OTUD7B: variants seen among roughly 807,000 people sequenced by gnomAD.
The protein encoded by OTUD7B is OTU deubiquitinase 7B.
Under a neutral mutation model 82.2 loss-of-function variants are expected in OTUD7B, and 34 were observed. The observed-to-expected ratio is 0.41, with a 90% confidence interval of 0.31 to 0.55. The LOEUF is 0.55. Among genes scored for constraint, OTUD7B ranks in the 20% least tolerant of loss-of-function variants. OTUD7B has a pLI of 0.20. For synonymous variants in OTUD7B, 398 were observed against 402.7 expected (o/e 0.99, Z 0.14); for missense variants, 944 against 1,062.1 (o/e 0.89, Z 1.55).
At chr1:149,963,872 T>C (rs1444807912) in intron 6 of OTUD7B, 1 of 185,082 alleles carries the variant, frequency 5.4e-6, no homozygotes, top group Non-Finnish European at 1.1e-5. Context: ...TCTTTAAAAA[T>C]TGATCTAGCC....
Position 149,952,198 on chromosome 1 carries a change from C to A in OTUD7B, c.846-1977G>T, listed in dbSNP as rs183812272. On this transcript the variant is annotated intron_variant, in intron 7 of 11. Transcript: ENST00000581312. ...ATATCTCCTAATGCTATCCCTCCCCCCTCCCCCAACTCCACAACAGGCCTT... is the reference window on the plus strand; with the variant it reads ...ATATCTCCTAATGCTATCCCTCCCCACTCCCCCAACTCCACAACAGGCCTT... Among the ~76,000 whole-genome samples, 16 of 134,866 alleles carry A rather than the reference C, an allele frequency of 1.2e-4. No individual in the cohort carries two copies. In the East Asian group the frequency reaches 1.6e-3, roughly 13 times the overall value. 88.5% of individuals were successfully genotyped at this position (134,866 alleles called of 152,430 possible). A position where few individuals can be genotyped will look rare whatever the true frequency, so the allele number is the denominator to read the frequency against.
At chr1:150,016,583 G>T in the OTUD7B span, among the ~76,000 whole-genome samples, 15 of 151,488 alleles carry the variant, frequency 9.9e-5, no homozygotes, top group African/African-American at 3.6e-4. Flanking sequence ...CTCCTGAGTA[G>T]CTGGGATTAG....
chr1:149,984,830 C>T (rs1553780503), intron 1 of OTUD7B, among the ~76,000 whole-genome samples: 1 of 152,136 alleles, frequency 6.6e-6, no homozygotes, highest in Non-Finnish European at 1.5e-5. Flanking sequence ...CTTGCCTTAT[C>T]CACACAAATA....
chr1:150,010,903 C>T (rs1553787247), upstream of OTUD7B, among the ~76,000 whole-genome samples: 1 of 152,188 alleles, frequency 6.6e-6, no homozygotes, highest in African/African-American at 2.4e-5. Flanking sequence ...CCCGTGTTTT[C>T]CCGACCCGAG....
chr1:150,013,989 C>CATATATACACACAT (rs1363188309), upstream of OTUD7B, among the ~76,000 whole-genome samples: 3 of 129,724 alleles, frequency 2.3e-5, no homozygotes, highest in Non-Finnish European at 3.3e-5. Context: ...TATACACACA[C>CATATATACACACAT]ATATATACAC....
the OTUD7B span, chr1:150,054,042 C>T: frequency 3.1e-5 from 11 of 356,566 alleles, no homozygotes; most frequent in Admixed American, 4.0e-4. Context: ...TATTCTCCAT[C>T]TGCTATGTAT....
intron 7 of OTUD7B, among the ~76,000 whole-genome samples, chr1:149,958,291 A>G (rs991538876): frequency 2.4e-4 from 30 of 123,596 alleles, no homozygotes; most frequent in Admixed American, 7.1e-4. Context: ...ATTTTATTTC[A>G]GTTTCTATCT....
At chr1:150,004,773 C>A (rs956673035) in intron 1 of OTUD7B, among the ~76,000 whole-genome samples, 1 of 152,092 alleles carries the variant, frequency 6.6e-6, no homozygotes. Context: ...TCCAGGCTTT[C>A]GCTTGATCCC....
At chr1:149,979,196 T>C (rs1650542317) in intron 1 of OTUD7B, among the ~76,000 whole-genome samples, 1 of 152,184 alleles carries the variant, frequency 6.6e-6, no homozygotes, top group Admixed American at 6.5e-5. Context: ...AATGATTCAA[T>C]GACTAAGCCA....
the OTUD7B span, among the ~76,000 whole-genome samples, chr1:150,047,506 T>C: frequency 1.3e-5 from 2 of 152,332 alleles, no homozygotes; most frequent in South Asian, 2.1e-4. Context: ...TGTCTGTTTT[T>C]TTCAATCCCA....
intron 4 of OTUD7B, among the ~76,000 whole-genome samples, chr1:149,966,519 A>G (rs1050576567): frequency 2.0e-5 from 3 of 152,226 alleles, no homozygotes; most frequent in East Asian, 3.8e-4. Context: ...GCAATAAGAT[A>G]AAGTACATAA....
upstream of OTUD7B, among the ~76,000 whole-genome samples, chr1:150,015,132 T>C (rs587722046): frequency 6.6e-6 from 1 of 152,272 alleles, no homozygotes; most frequent in South Asian, 2.1e-4. Flanking sequence ...ATGAATGAAT[T>C]GGCAGCCATT....
In OTUD7B at chr1:149,977,589, T is replaced by A; in HGVS notation, c.-66-13A>T. 1 of 980,934 alleles carries A rather than the reference T, an allele frequency of 1.0e-6. No homozygotes were observed. Among genetic ancestry groups the A allele is most frequent in the Non-Finnish European group, 1.6e-6 (1 of 606,970 alleles). The allele number at this position is 980,934 out of a possible 1,614,324, so 60.8% of individuals were successfully genotyped here. A position where few individuals can be genotyped will look rare whatever the true frequency, so the allele number is the denominator to read the frequency against. On this transcript the variant is annotated splice_polypyrimidine_tract_variant and intron_variant, in intron 1 of 11. Transcript: ENST00000581312. ...TTCAGGCCTCCACCTGAGGAATAAA[T>A]AAATACATAAGGCTCAAATTACACT...
chr1:149,993,966 A>G (rs1571714277), intron 1 of OTUD7B, among the ~76,000 whole-genome samples: 1 of 152,198 alleles, frequency 6.6e-6, no homozygotes, highest in African/African-American at 2.4e-5. Flanking sequence ...CCACAATTAC[A>G]TAGGCCAAGT....
the OTUD7B span, among the ~76,000 whole-genome samples, chr1:150,024,722 T>C: frequency 2.0e-5 from 3 of 152,200 alleles, no homozygotes; most frequent in Non-Finnish European, 4.4e-5. Context: ...TCAACAACGC[T>C]TTCTTTAAAA....
intron 1 of OTUD7B, among the ~76,000 whole-genome samples, chr1:149,993,451 A>G (rs1651731463): frequency 6.6e-6 from 1 of 152,236 alleles, no homozygotes; most frequent in African/African-American, 2.4e-5. Context: ...GAAAACCCCA[A>G]GATAGATATC....
intron 1 of OTUD7B, among the ~76,000 whole-genome samples, chr1:149,979,534 A>G (rs1650570785): frequency 6.6e-6 from 1 of 152,244 alleles, no homozygotes; most frequent in Non-Finnish European, 1.5e-5. Context: ...CTCATGATCT[A>G]TGATCTTTGA....
In OTUD7B at chr1:149,944,789, C is replaced by A; in HGVS notation, c.1600G>T (p.Gly534Trp). The A allele has an allele frequency of 6.2e-7, 1 of 1,614,186 alleles. No homozygotes were observed. Among genetic ancestry groups the A allele is most frequent in the Non-Finnish European group, 8.5e-7 (1 of 1,180,040 alleles). The part of the protein sequence containing the change: ...LMHSKGSKPG[G>W]VGTGLGGSSG... The stretch of plus-strand genomic sequence containing the variant: ...CTTCCTCCCAACCCTGTCCCCACCC[C>A]TCCAGGCTTTGAACCCTTGCTGTGC... Residue 534 changes from glycine (G) to tryptophan (W), a missense_variant, in exon 12 of 12, where the codon GGG becomes TGG. Gly to Trp is a radical substitution (Grantham distance 184). Coordinates refer to ENST00000581312, the MANE Select transcript of OTUD7B (RefSeq NM_020205.4).
Position 149,951,005 on chromosome 1 carries a change from T to C in OTUD7B, c.846-784A>G, listed in dbSNP as rs1455925063. 3.1e-5 allele frequency among the ~76,000 whole-genome samples: 2 copies of C among 63,510 alleles called. 1 individual carries two copies. The highest frequency in any genetic ancestry group is 1.1e-4 in the African/African-American group (2 of 18,790). 41.7% of individuals were successfully genotyped at this position (63,510 alleles called of 152,430 possible). A position where few individuals can be genotyped will look rare whatever the true frequency, so the allele number is the denominator to read the frequency against. ...TTTTTTTTTTTTTTTTTTTTGTAGA[T>C]GGAGTCTCACTCTTTCGCCCAGACT... On this transcript the variant is annotated intron_variant, in intron 7 of 11. Coordinates refer to ENST00000581312, the MANE Select transcript of OTUD7B (RefSeq NM_020205.4).
Sources: allele counts gnomAD v4.1 joint callset (sites outside exome capture counted in the v4.1 genomes callset), GRCh38; gene constraint gnomAD v4.1.1; transcripts MANE v1.5; gene names NCBI Gene and HGNC (gene_info 2026-07-23, HGNC 2026-07-21).